The following TRAPPC3 variants were observed in gnomAD, a reference collection of about 807,000 sequenced individuals.
TRAPPC3 encodes the protein trafficking protein particle complex 3.
TRAPPC3 carries 5 observed loss-of-function variants against 18.2 expected under a neutral mutation model. The observed-to-expected ratio is 0.28, with a 90% CI of 0.14 to 0.58. TRAPPC3 has a LOEUF of 0.58. Ranked by LOEUF, TRAPPC3 falls within the 20% of genes least tolerant of loss-of-function variation. The pLI, the probability that TRAPPC3 is intolerant of heterozygous loss-of-function variation, is 0.91. For missense variants in TRAPPC3, 176 were observed against 225.9 expected (o/e 0.78, Z 1.41); for synonymous variants, 65 against 84.2 (o/e 0.77, Z 1.25).
chr1:36,148,676 G>C (rs1644235321), intron 1 of TRAPPC3, among the ~76,000 whole-genome samples: 1 of 152,134 alleles, frequency 6.6e-6, no homozygotes, highest in South Asian at 2.1e-4. Flanking sequence ...AGGACCATAT[G>C]GTGTCCAAAC....
chr1:36,144,976 T>C (rs1644170053), intron 1 of TRAPPC3, among the ~76,000 whole-genome samples: 1 of 152,166 alleles, frequency 6.6e-6, no homozygotes, highest in Non-Finnish European at 1.5e-5. Context: ...TTTCTTCCCG[T>C]TAGTGCCCCA....
chr1:36,141,865 G>A (rs1477242224), intron 1 of TRAPPC3, among the ~76,000 whole-genome samples: 2 of 149,262 alleles, frequency 1.3e-5, no homozygotes, highest in Non-Finnish European at 2.9e-5. Flanking sequence ...GGCTAAGGCA[G>A]GAGAATCGCT....
At chr1:36,138,343 C>A (rs1644056635) in intron 3 of TRAPPC3, 2 of 1,270,828 alleles carry the variant, frequency 1.6e-6, no homozygotes, top group Non-Finnish European at 2.2e-6. Context: ...GAGGCCCTAA[C>A]CCACTTCTCT....
chr1:36,154,100 G>A (rs894585042), upstream of TRAPPC3, among the ~76,000 whole-genome samples: 2 of 152,156 alleles, frequency 1.3e-5, no homozygotes, highest in African/African-American at 4.8e-5. Flanking sequence ...CGCCTCTGGG[G>A]TTCAAACGAT....
intron 1 of TRAPPC3, among the ~76,000 whole-genome samples, chr1:36,145,495 C>T (rs1644180437): frequency 1.3e-5 from 2 of 152,194 alleles, no homozygotes; most frequent in African/African-American, 4.8e-5. Context: ...CCAAGTGCTA[C>T]TACGTAAGTA....
chr1:36,154,607 G>A (rs1644300200), intron 1 of TRAPPC3, among the ~76,000 whole-genome samples: 1 of 152,076 alleles, frequency 6.6e-6, no homozygotes, highest in Non-Finnish European at 1.5e-5. Flanking sequence ...CACAAAGATG[G>A]GGGATCTGCT....
upstream of TRAPPC3, among the ~76,000 whole-genome samples, chr1:36,151,857 ATT>A (rs1557765314): frequency 2.0e-5 from 3 of 152,108 alleles, no homozygotes; most frequent in African/African-American, 7.2e-5. Flanking sequence ...GGTTGAATCT[ATT>A]TAGTCCTGTA....
intron 1 of TRAPPC3, among the ~76,000 whole-genome samples, chr1:36,146,519 C>G (rs1034020927): frequency 6.7e-6 from 1 of 149,078 alleles, no homozygotes; most frequent in Admixed American, 6.7e-5. Context: ...CTCCTGACCT[C>G]GTGATCTGCC....
upstream of TRAPPC3, among the ~76,000 whole-genome samples, chr1:36,150,978 A>AGT (rs1244877897): frequency 6.6e-6 from 1 of 152,116 alleles, no homozygotes; most frequent in African/African-American, 2.4e-5. Flanking sequence ...AACCTGAGTC[A>AGT]CACTCACAGC....
chr1:36,139,984 C>A, intron 2 of TRAPPC3, 85 bp downstream of exon 2: 1 of 1,461,410 alleles, frequency 6.8e-7, no homozygotes, highest in Non-Finnish European at 9.2e-7. Flanking sequence ...AGAGAGAGAA[C>A]CCTGTTTTAA....
upstream of TRAPPC3, chr1:36,149,650 C>T (rs956180923): frequency 2.2e-5 from 12 of 553,362 alleles, no homozygotes; most frequent in Admixed American, 1.2e-4. Context: ...GTGCTCCGCG[C>T]GCGCCTGCCT....
At chr1:36,153,635 C>T (rs1644287006), upstream of TRAPPC3, among the ~76,000 whole-genome samples, 1 of 152,218 alleles carries the variant, frequency 6.6e-6, no homozygotes, top group South Asian at 2.1e-4. Flanking sequence ...GGATGGTAAA[C>T]AGCATCCCTG....
chr1:36,148,595 C>T (rs1248815092), intron 1 of TRAPPC3, among the ~76,000 whole-genome samples: 1 of 108,398 alleles, frequency 9.2e-6, no homozygotes, highest in African/African-American at 3.6e-5. Context: ...CGTCTGGGGG[C>T]GGGGGGAGGG....
intron 1 of TRAPPC3, among the ~76,000 whole-genome samples, chr1:36,146,319 T>C (rs1285208956): frequency 2.2e-5 from 3 of 139,232 alleles, no homozygotes; most frequent in African/African-American, 5.3e-5. Flanking sequence ...TTTTTTGAGA[T>C]GGAGTCTCAC....
upstream of TRAPPC3, among the ~76,000 whole-genome samples, chr1:36,153,016 G>T (rs1204596718): frequency 2.0e-5 from 3 of 152,162 alleles, no homozygotes; most frequent in Admixed American, 6.5e-5. Flanking sequence ...ACCTTGCGGT[G>T]AAAGGAACAG....
rs769795856 is a variant in TRAPPC3 at position 36,137,922 on chromosome 1, A to T, written c.297T>A (p.Ala99=). The change falls in exon 4 of 5, where the codon GCT becomes GCA. Residue 99 remains alanine (A), a synonymous_variant. Coordinates refer to ENST00000373166, the MANE Select transcript of TRAPPC3 (RefSeq NM_014408.5). ...CCAAAATGAGGGAGAATTCATCACC[A>T]GCTGGGCTCCAATTAGTAATGCTTG... ...ITPSITNWSP[A]GDEFSLILEN... 3.7e-6 allele frequency: 6 copies of T among 1,614,118 alleles called. No homozygotes were observed. The African/African-American group carries it at 8.0e-5, about 22-fold the overall frequency.
chr1:36,141,437 G>A (rs1041807688), intron 1 of TRAPPC3, among the ~76,000 whole-genome samples: 1 of 152,174 alleles, frequency 6.6e-6, no homozygotes, highest in African/African-American at 2.4e-5. Flanking sequence ...GGGGAAGAAA[G>A]TCTAAGAAAT....
chr1:36,139,204 G>A (rs1477735470), intron 3 of TRAPPC3, among the ~76,000 whole-genome samples: 1 of 143,418 alleles, frequency 7.0e-6, no homozygotes, highest in Non-Finnish European at 1.5e-5. Context: ...TGTTACCCAG[G>A]ATGGAATGCA....
chr1:36,149,476 C>A lies in TRAPPC3; in HGVS notation c.-98G>T, dbSNP rs1307933803. 1 of 1,489,922 alleles carries A rather than the reference C, an allele frequency of 6.7e-7. No homozygotes were observed. The highest frequency in any genetic ancestry group is 1.9e-5 in the Admixed American group (1 of 53,344). The allele number at this position is 1,489,922 out of a possible 1,614,324, so 92.3% of individuals were successfully genotyped here. ...GCCGCTGCCCCTCAGCCCACAAGAC[C>A]GACCGGCACTGACTCACTGCGCCTG... is the stretch of plus-strand genomic sequence containing the variant. On this transcript the variant is annotated 5_prime_UTR_variant, in exon 1 of 5. Coordinates refer to ENST00000373166, the MANE Select transcript of TRAPPC3 (RefSeq NM_014408.5).
Sources: gnomAD v4.1 joint callset for allele counts (sites outside exome capture counted in the v4.1 genomes callset) on GRCh38, gnomAD v4.1.1 for gene constraint, MANE v1.5 for transcripts, NCBI Gene and HGNC (gene_info 2026-07-23, HGNC 2026-07-21) for gene names.